CCDC7: variants seen among roughly 807,000 people sequenced by gnomAD.
CCDC7 encodes coiled-coil domain containing 7.
In CCDC7, 183 loss-of-function variants were observed where a neutral mutation model predicts 196.9. The ratio of observed to expected loss-of-function variants is 0.93; its 90% CI spans 0.82 to 1.05. CCDC7 has a LOEUF of 1.05. Ranked by LOEUF, CCDC7 falls within the 50% of genes least tolerant of loss-of-function variation. CCDC7 has a pLI of 0.00. For synonymous variants in CCDC7, 525 were observed against 484.6 expected, an observed-to-expected ratio of 1.08 and a Z score of -1.10; for missense variants, 1,540 against 1,482.2, an observed-to-expected ratio of 1.04 and a Z score of -0.64.
intron 20 of CCDC7, among the ~76,000 whole-genome samples, chr10:32,637,385 C>A (rs961437607): frequency 6.6e-6 from 1 of 152,134 alleles, no homozygotes; most frequent in Non-Finnish European, 1.5e-5. Context: ...AGTATTTAAT[C>A]CATCTTGAAT....
intron 20 of CCDC7, among the ~76,000 whole-genome samples, chr10:32,658,603 C>G (rs1218057961): frequency 1.3e-5 from 2 of 152,098 alleles, no homozygotes; most frequent in Non-Finnish European, 2.9e-5. Flanking sequence ...CACACACAAA[C>G]CATATCAGTG....
chr10:32,754,036 A>C (rs1025662244), intron 28 of CCDC7, among the ~76,000 whole-genome samples: 10 of 147,880 alleles, frequency 6.8e-5, no homozygotes, highest in African/African-American at 2.4e-4. Context: ...GTTAAAAATA[A>C]GATAAAATTC....
chr10:32,629,917 A>T (rs2064605475), intron 18 of CCDC7, among the ~76,000 whole-genome samples: 1 of 152,204 alleles, frequency 6.6e-6, no homozygotes, highest in South Asian at 2.1e-4. Context: ...AAGAAACAGA[A>T]GTTTCAAACC....
At chr10:32,587,086 T>C (rs1196857743) in intron 18 of CCDC7, among the ~76,000 whole-genome samples, 1 of 152,224 alleles carries the variant, frequency 6.6e-6, no homozygotes, top group Non-Finnish European at 1.5e-5. Flanking sequence ...TATATCATTT[T>C]AACCATCTTT....
intron 8 of CCDC7, among the ~76,000 whole-genome samples, chr10:32,485,548 G>T (rs1197840534): frequency 6.6e-6 from 1 of 152,108 alleles, no homozygotes; most frequent in Non-Finnish European, 1.5e-5. Context: ...TTTTGAATGT[G>T]TTTGCTCTTG....
chr10:32,643,890 A>C (rs1366945681), intron 20 of CCDC7, among the ~76,000 whole-genome samples: 1 of 147,048 alleles, frequency 6.8e-6, no homozygotes, highest in Non-Finnish European at 1.5e-5. Flanking sequence ...ATTATTTTGA[A>C]AATTAATTGG....
intron 41 of CCDC7, among the ~76,000 whole-genome samples, chr10:32,871,672 C>T (rs1224703719): frequency 5.3e-5 from 8 of 151,834 alleles, no homozygotes; most frequent in Admixed American, 2.0e-4. Flanking sequence ...TTGCTTCTCT[C>T]GTTCTTTTAA....
chr10:32,686,180 C>G, intron 22 of CCDC7, 100 bp downstream of exon 23: 1 of 590,422 alleles, frequency 1.7e-6, no homozygotes, highest in East Asian at 3.1e-5. Flanking sequence ...AGAAATTTTA[C>G]CTTGAACCTA....
chr10:32,816,361 A>G (rs2088538645), intron 31 of CCDC7, among the ~76,000 whole-genome samples: 1 of 152,186 alleles, frequency 6.6e-6, no homozygotes, highest in African/African-American at 2.4e-5. Context: ...GGTGGAGCCC[A>G]CCGCAGCTCA....
intron 5 of CCDC7, among the ~76,000 whole-genome samples, chr10:32,466,850 C>T (rs1172327426): frequency 6.6e-6 from 1 of 152,156 alleles, no homozygotes; most frequent in African/African-American, 2.4e-5. Flanking sequence ...AATCATCACA[C>T]TGTTTTCCAC....
chr10:32,828,689 T>C (rs1413310344), intron 32 of CCDC7, among the ~76,000 whole-genome samples: 1 of 152,084 alleles, frequency 6.6e-6, no homozygotes, highest in Non-Finnish European at 1.5e-5. Flanking sequence ...TAGGTGACAA[T>C]ACTTTGCAGG....
chr10:32,577,249 C>A (rs2058306314), intron 16 of CCDC7, among the ~76,000 whole-genome samples: 1 of 152,016 alleles, frequency 6.6e-6, no homozygotes, highest in South Asian at 2.1e-4. Context: ...GTAGTCCCAG[C>A]TACTTAGGAG....
At chr10:32,837,649 A>C (rs1036356161) in intron 33 of CCDC7, among the ~76,000 whole-genome samples, 1 of 152,090 alleles carries the variant, frequency 6.6e-6, no homozygotes, top group Admixed American at 6.6e-5. Flanking sequence ...GGCACTATTC[A>C]CAATAGCAAA....
chr10:32,871,672 C>A (rs1224703719), intron 41 of CCDC7, among the ~76,000 whole-genome samples: 4 of 151,834 alleles, frequency 2.6e-5, no homozygotes, highest in East Asian at 1.9e-4. Flanking sequence ...TTGCTTCTCT[C>A]GTTCTTTTAA....
At chr10:32,655,175 C>A (rs2140243849) in intron 20 of CCDC7, among the ~76,000 whole-genome samples, 1 of 152,226 alleles carries the variant, frequency 6.6e-6, no homozygotes, top group South Asian at 2.1e-4. Flanking sequence ...TGTTAGGCAG[C>A]TGGATTTCAC....
intron 39 of CCDC7, among the ~76,000 whole-genome samples, chr10:32,850,774 AAC>A (rs59662474): frequency 0.059 from 8,715 of 146,558 alleles, 289 homozygotes; most frequent in Middle Eastern, 0.081. Flanking sequence ...TGTCTCTGAC[AAC>A]ACACACACAC....
At chr10:32,822,773 G>A (rs1231550236) in intron 31 of CCDC7, among the ~76,000 whole-genome samples, 1 of 151,998 alleles carries the variant, frequency 6.6e-6, no homozygotes, top group Non-Finnish European at 1.5e-5. Flanking sequence ...AAATAGTATG[G>A]TTTAAAAATA....
intron 23 of CCDC7, among the ~76,000 whole-genome samples, chr10:32,691,159 A>C (rs7075367): frequency 0.083 from 12,618 of 152,248 alleles, 569 homozygotes; most frequent in East Asian, 0.16. Flanking sequence ...TTTCGAGAGC[A>C]TGAAGTTTGA....
chr10:32,652,630 A>G (rs1458332707), intron 20 of CCDC7, among the ~76,000 whole-genome samples: 2 of 152,138 alleles, frequency 1.3e-5, no homozygotes, highest in South Asian at 2.1e-4. Context: ...GTAACTAATT[A>G]TTTTAACCTG....
Sources: gnomAD v4.1 joint callset for allele counts (sites outside exome capture counted in the v4.1 genomes callset) on GRCh38, gnomAD v4.1.1 for gene constraint, MANE v1.5 for transcripts, NCBI Gene and HGNC (gene_info 2026-07-23, HGNC 2026-07-21) for gene names.